Variants in SERPINE2 observed in about 807,000 individuals in gnomAD.
SERPINE2 encodes the protein glia-derived nexin.
Under a neutral mutation model 36.3 loss-of-function variants are expected in SERPINE2, and 14 were observed. The observed-to-expected ratio is 0.39, with a 90% CI of 0.25 to 0.60. SERPINE2 has a LOEUF of 0.60. Among genes scored for constraint, SERPINE2 ranks in the 20% least tolerant of loss-of-function variants. The pLI, the probability that SERPINE2 is intolerant of heterozygous loss-of-function variation, is 0.57. For missense variants in SERPINE2, 418 were observed against 499.6 expected, an observed-to-expected ratio of 0.84 and a Z score of 1.56; for synonymous variants, 192 against 191.8, an observed-to-expected ratio of 1.00 and a Z score of -0.01.
intron 7 of SERPINE2, chr2:223,980,055 C>A (rs1191647798): frequency 1.4e-5 from 5 of 360,428 alleles, no homozygotes; most frequent in Non-Finnish European, 2.0e-5. Flanking sequence ...CTACCTGGCT[C>A]TTTATAGAAG....
chr2:224,024,028 G>A (rs1365453553), intron 1 of SERPINE2, among the ~76,000 whole-genome samples: 3 of 152,150 alleles, frequency 2.0e-5, no homozygotes, highest in Admixed American at 6.5e-5. Flanking sequence ...CCCACATTTT[G>A]ACTTCTGGGG....
At chr2:224,038,559 C>T in intron 1 of SERPINE2, 3 of 1,530,472 alleles carry the variant, frequency 2.0e-6, no homozygotes, top group South Asian at 2.4e-5. Context: ...CCTGCTCGCT[C>T]GGGTTAAATC....
At chr2:224,005,065 T>TTATATATTTTTATA (rs1553547022) in intron 1 of SERPINE2, among the ~76,000 whole-genome samples, 1,242 of 33,162 alleles carry the variant, frequency 0.037, 27 homozygotes, top group South Asian at 0.056. Context: ...TTTATATATA[T>TTATATATTTTTATA]TATATATATA....
At chr2:224,022,167 A>AG (rs1221137430) in intron 1 of SERPINE2, among the ~76,000 whole-genome samples, 3 of 112,816 alleles carry the variant, frequency 2.7e-5, no homozygotes, top group African/African-American at 9.5e-5. Context: ...TCAAAAAAAA[A>AG]AAAAAAAAAA....
At chr2:224,030,411 G>T in intron 1 of SERPINE2, 1 of 172,410 alleles carries the variant, frequency 5.8e-6, no homozygotes, top group Non-Finnish European at 1.2e-5. Flanking sequence ...CACAACCACA[G>T]CCACCTCGTG....
Position 223,998,405 on chromosome 2 carries a change from C to A in SERPINE2, c.260-63G>T, listed in dbSNP as rs1271694689. ...AAGAATCTAGAAAAGTTTTTAAAATCTTTTATGTTGCAGCAAGTAAGAACA... is the reference window on the plus strand; with the variant it reads ...AAGAATCTAGAAAAGTTTTTAAAATATTTTATGTTGCAGCAAGTAAGAACA... On this transcript the variant is annotated intron_variant, in intron 2 of 8. Coordinates refer to ENST00000409304, the MANE Select transcript of SERPINE2 (RefSeq NM_001136528.2). 3.7e-6 allele frequency: 5 copies of A among 1,339,986 alleles called. No homozygotes were observed. The East Asian group carries it at 1.2e-4, about 31-fold the overall frequency. 83.0% of individuals were successfully genotyped at this position (1,339,986 alleles called of 1,614,324 possible). A position where few individuals can be genotyped will look rare whatever the true frequency, so the allele number is the denominator to read the frequency against.
intron 1 of SERPINE2, among the ~76,000 whole-genome samples, chr2:224,015,981 T>A (rs1691786660): frequency 6.6e-6 from 1 of 152,214 alleles, no homozygotes; most frequent in African/African-American, 2.4e-5. Flanking sequence ...TGGATAGATA[T>A]TCCATTAAAG....
intron 3 of SERPINE2, among the ~76,000 whole-genome samples, chr2:223,994,160 C>G (rs759283382): frequency 4.6e-5 from 7 of 152,194 alleles, no homozygotes; most frequent in Non-Finnish European, 8.8e-5. Context: ...ACCATGACAC[C>G]TGCAGTATTT....
chr2:223,976,220 G>C lies in SERPINE2; in HGVS notation c.1157-316C>G, dbSNP rs368116485. The stretch of plus-strand genomic sequence containing the variant: ...GGCTGGAGTACAATGGCGCCATCTC[G>C]GCTCACTGCAATTTCCGCCTCCTGG... On this transcript the variant is annotated intron_variant, in intron 8 of 8. Transcript: ENST00000409304. Among the ~76,000 whole-genome samples, 4 of 152,098 alleles carry C rather than the reference G, an allele frequency of 2.6e-5. No homozygotes were observed. In the East Asian group the frequency reaches 5.8e-4, roughly 22 times the overall value.
At position 224,039,151 on chromosome 2, in the gene SERPINE2, C is replaced by G. The variant is rs928062977; in HGVS notation, c.-75G>C. ...CCGCGGAGGGCGGTGCGGCCGCAACCGGAGCGGGAGCCTGGTCTCGGCGGC... is the reference window on the plus strand; with the variant it reads ...CCGCGGAGGGCGGTGCGGCCGCAACGGGAGCGGGAGCCTGGTCTCGGCGGC... On this transcript the variant is annotated 5_prime_UTR_variant, in exon 1 of 9. Transcript: ENST00000409304. The surrounding 1 kb of genome is among the most constrained non-coding windows in gnomAD (Gnocchi z 5.2). The G allele has an allele frequency of 3.3e-5, 5 of 150,958 alleles. No homozygotes were observed. Among genetic ancestry groups the G allele is most frequent in the Admixed American group, 6.6e-5 (1 of 15,142 alleles). The allele number at this position is 150,958 out of a possible 1,614,324, so 9.4% of individuals were successfully genotyped here. A position where few individuals can be genotyped will look rare whatever the true frequency, so the allele number is the denominator to read the frequency against.
chr2:224,021,463 C>A (rs947111605), intron 1 of SERPINE2, among the ~76,000 whole-genome samples: 11 of 152,190 alleles, frequency 7.2e-5, no homozygotes, highest in Admixed American at 5.9e-4. Flanking sequence ...TAAGAGCCTG[C>A]AGACTAACAG....
chr2:224,029,722 C>A (rs1692296092), intron 1 of SERPINE2, among the ~76,000 whole-genome samples: 1 of 152,184 alleles, frequency 6.6e-6, no homozygotes, highest in African/African-American at 2.4e-5. Context: ...TATTTTGAGA[C>A]AGAGCCTCCC....
At chr2:224,022,567 G>C (rs1692042533) in intron 1 of SERPINE2, among the ~76,000 whole-genome samples, 2 of 152,048 alleles carry the variant, frequency 1.3e-5, no homozygotes, top group Non-Finnish European at 2.9e-5. Flanking sequence ...TACAAAATTA[G>C]TCCTTTAGAC....
chr2:224,017,088 C>T (rs1005590518), intron 1 of SERPINE2, among the ~76,000 whole-genome samples: 1 of 152,184 alleles, frequency 6.6e-6, no homozygotes, highest in African/African-American at 2.4e-5. Flanking sequence ...TGTGATAAAA[C>T]TGCATAGAAG....
chr2:224,013,114 T>C (rs1691686354), intron 1 of SERPINE2, among the ~76,000 whole-genome samples: 1 of 152,190 alleles, frequency 6.6e-6, no homozygotes, highest in African/African-American at 2.4e-5. Context: ...TTAATTTTTT[T>C]ATTCTCTGTG....
intron 1 of SERPINE2, among the ~76,000 whole-genome samples, chr2:224,008,493 G>C (rs1691505024): frequency 6.6e-6 from 1 of 152,140 alleles, no homozygotes; most frequent in East Asian, 1.9e-4. Flanking sequence ...ATAAACTCGT[G>C]TTTTTCAACA....
intron 2 of SERPINE2, 139 bp from the exon 3 acceptor site, chr2:223,998,481 G>A: frequency 1.6e-6 from 1 of 637,736 alleles, no homozygotes; most frequent in Non-Finnish European, 2.7e-6. Context: ...AATTTGAGAG[G>A]CTGAGGTGGG....
At chr2:223,977,907 G>C (rs538141129) in intron 7 of SERPINE2, 2 of 351,158 alleles carry the variant, frequency 5.7e-6, no homozygotes, top group East Asian at 5.1e-5. Context: ...AGAATTAAAT[G>C]ACATAATTAA....
rs749838339 is a variant in SERPINE2 at position 223,977,578 on chromosome 2, T to C, written c.1122A>G (p.Arg374=). 2 of 1,613,362 alleles carry C rather than the reference T, an allele frequency of 1.2e-6. No homozygotes were observed. The highest frequency in any genetic ancestry group is 2.2e-5 in the South Asian group (2 of 91,066). The change falls in exon 8 of 9, where the codon AGA becomes AGG. Residue 374 remains arginine, a synonymous_variant. Transcript: ENST00000409304. ...TATGTCGGATGAAAAACAGAAAAGG[T>C]CTGTCTACTATAAACCAGGGAGGCG... ...RSSPPWFIVD[R]PFLFFIRHNP... is the part of the protein sequence containing the mutation.
Sources: allele counts gnomAD v4.1 joint callset (sites outside exome capture counted in the v4.1 genomes callset), GRCh38; gene constraint gnomAD v4.1.1; non-coding constraint Gnocchi (gnomAD v3.1); transcripts MANE v1.5; gene names NCBI Gene and HGNC (gene_info 2026-07-23, HGNC 2026-07-21).